NLRP9: variants seen among roughly 807,000 people sequenced by gnomAD.
The protein encoded by NLRP9 is NACHT, LRR and PYD domains-containing protein 9.
NLRP9 carries 88 observed loss-of-function variants against 83.1 expected under a neutral mutation model. The ratio of observed to expected loss-of-function variants is 1.06; its 90% CI spans 0.89 to 1.26. NLRP9 has a LOEUF of 1.26. Among genes scored for constraint, NLRP9 ranks in the 50% most tolerant of loss-of-function variants. The probability of loss-of-function intolerance (pLI) is 0.00; values close to 1 mark genes in which losing one functional copy is unlikely to be tolerated. For synonymous variants in NLRP9, 521 were observed against 447.6 expected, an observed-to-expected ratio of 1.16 and a Z score of -2.07; for missense variants, 1,308 against 1,179.3, an observed-to-expected ratio of 1.11 and a Z score of -1.60.
rs1338868982 is a variant in NLRP9, at chr19:55,724,147, GC to G, written c.1995-4del. On this transcript the variant is annotated splice_polypyrimidine_tract_variant and splice_region_variant and intron_variant, in intron 3 of 8. Coordinates refer to ENST00000332836, the MANE Select transcript of NLRP9 (RefSeq NM_176820.4). ...GTCCAAAGTACACAGAAGTAAATCTGCAAAAGATTAAAAAAAAAATAGCATC... is the reference window on the plus strand; with the variant it reads ...GTCCAAAGTACACAGAAGTAAATCTGAAAAGATTAAAAAAAAAATAGCATC... 2 of 1,592,902 alleles carry G rather than the reference GC, an allele frequency of 1.3e-6. No individual in the cohort carries two copies. The highest frequency in any genetic ancestry group is 1.7e-6 in the Non-Finnish European group (2 of 1,168,876).
intron 4 of NLRP9, among the ~76,000 whole-genome samples, chr19:55,717,553 C>A (rs945995482): frequency 1.3e-5 from 2 of 152,176 alleles, no homozygotes; most frequent in African/African-American, 4.8e-5. Flanking sequence ...ACAGGACAGA[C>A]CCTGCCACAA....
chr19:55,715,357 C>T (rs1248855380), intron 5 of NLRP9, 132 bp from the exon 6 acceptor site: 2 of 763,020 alleles, frequency 2.6e-6, no homozygotes, highest in African/African-American at 1.8e-5. Flanking sequence ...CAGGCAAAAC[C>T]TTTCCAGATG....
rs368694983 is a variant in NLRP9 at position 55,716,945 on chromosome 19, C to T, written c.2160-47G>A. The T allele has an allele frequency of 2.6e-6, 4 of 1,531,242 alleles. No individual in the cohort carries two copies. In the East Asian group the frequency reaches 6.8e-5, roughly 26 times the overall value. The allele number at this position is 1,531,242 out of a possible 1,614,324, so 94.9% of individuals were successfully genotyped here. A position where few individuals can be genotyped will look rare whatever the true frequency, so the allele number is the denominator to read the frequency against. ...TGAGACGGACCAAAGCTTTCAATCG[C>T]TCATGAAACATTATCCACAGACCAA... On this transcript the variant is annotated intron_variant, in intron 4 of 8. Transcript: ENST00000332836.
chr19:55,713,070 C>T (rs1249222468), intron 6 of NLRP9, among the ~76,000 whole-genome samples: 2 of 150,294 alleles, frequency 1.3e-5, no homozygotes, highest in Non-Finnish European at 3.0e-5. Flanking sequence ...TTCTTCTCTC[C>T]TGCCTGGCTC....
chr19:55,711,316 C>T (rs1987714254), intron 8 of NLRP9: 1 of 961,428 alleles, frequency 1.0e-6, no homozygotes, highest in Non-Finnish European at 1.3e-6. Flanking sequence ...AAAAATTCAT[C>T]CTACAGATTT....
At chr19:55,731,938 A>G in intron 2 of NLRP9, 61 bp downstream of exon 2, 2 of 1,080,416 alleles carry the variant, frequency 1.9e-6, no homozygotes, top group South Asian at 3.2e-5. Context: ...AAATACCCAC[A>G]GGCCACTAGA....
In NLRP9 at chr19:55,733,245, T is replaced by G. The variant is rs752049098; in HGVS notation, c.586A>C (p.Thr196Pro). Residue 196 changes from threonine (T) to proline (P), a missense_variant, in exon 2 of 9, where the codon ACC becomes CCC. Transcript: ENST00000332836. ...CTAGAGAGGAGCTCCAGTAAGCTGG[T>G]CTCTGCGATACCGTTCATTTCACAG... ...NVCEMNGIAE[T>P]SLLELLSRDW... 1 of 1,614,028 alleles carries G rather than the reference T, an allele frequency of 6.2e-7. No individual in the cohort carries two copies. The highest frequency in any genetic ancestry group is 8.5e-7 in the Non-Finnish European group (1 of 1,179,924).
Position 55,729,995 on chromosome 19 carries a change from A to G in NLRP9, c.1833-3T>C. 1.2e-6 allele frequency: 2 copies of G among 1,610,136 alleles called. No homozygotes were observed. Among genetic ancestry groups the G allele is most frequent in the Non-Finnish European group, 1.7e-6 (2 of 1,178,288 alleles). ...AGTAGACGAGCTTCTCATTGTAACT[A>G]TGAGAGAACAAAGATTGTGATTCTC... On this transcript the variant is annotated splice_polypyrimidine_tract_variant and splice_region_variant and intron_variant, in intron 2 of 8. Coordinates refer to ENST00000332836, the MANE Select transcript of NLRP9 (RefSeq NM_176820.4).
chr19:55,708,806 C>T lies in NLRP9; in HGVS notation c.*106G>A. On this transcript the variant is annotated 3_prime_UTR_variant, in exon 9 of 9. Transcript: ENST00000332836. ...CACTTAGGGAGTACCTCTGAAATCA[C>T]AGCCCTGCTGCCATGATGTGCAATT... is the stretch of plus-strand genomic sequence containing the variant. 1.4e-6 allele frequency: 1 copy of T among 729,330 alleles called. No individual in the cohort carries two copies. Among genetic ancestry groups the T allele is most frequent in the East Asian group, 3.0e-5 (1 of 33,746 alleles). 45.2% of individuals were successfully genotyped at this position (729,330 alleles called of 1,614,324 possible).
chr19:55,722,862 C>G (rs768669237), intron 4 of NLRP9, among the ~76,000 whole-genome samples: 6 of 152,016 alleles, frequency 3.9e-5, no homozygotes, highest in Non-Finnish European at 8.8e-5. Context: ...ATGGATGAAA[C>G]CGGAAACCAT....
At position 55,724,011 on chromosome 19, in the gene NLRP9, T is replaced by C; in HGVS notation, c.2128A>G (p.Lys710Glu). 6.2e-7 allele frequency: 1 copy of C among 1,614,050 alleles called. No individual in the cohort carries two copies. The highest frequency in any genetic ancestry group is 8.5e-7 in the Non-Finnish European group (1 of 1,179,972). Residue 710 changes from lysine (K) to glutamate (E), a missense_variant, in exon 4 of 9, where the codon AAA becomes GAA. Transcript: ENST00000332836. ...TCTTCTATCTTGCACATTGGATGTT[T>C]CAGCGTCTCACACAGGTGTCTGATG... ...SDIRHLCETL[K>E]HPMCKIEELI... is the part of the protein sequence containing the mutation.
chr19:55,733,133 A>G lies in NLRP9; in HGVS notation c.698T>C (p.Leu233Pro), dbSNP rs771315822. 4 of 1,614,038 alleles carry G rather than the reference A, an allele frequency of 2.5e-6. No individual in the cohort carries two copies. In the South Asian group the frequency reaches 3.3e-5, roughly 13 times the overall value. Residue 233 changes from leucine to proline, a missense_variant, in exon 2 of 9, where the codon CTG (leucine) becomes CCG (proline). Leu to Pro is a moderately conservative substitution (Grantham distance 98, BLOSUM62 -3). Coordinates refer to ENST00000332836, the MANE Select transcript of NLRP9 (RefSeq NM_176820.4). ...ILFIMDGFEQLKFNLQLKADL... is the reference protein window; with the variant it reads ...ILFIMDGFEQPKFNLQLKADL... Reference sequence around the variant, plus strand: ...AGCCTTAAGTTGTAAGTTAAACTTCAGTTGCTCAAAGCCATCCATGATGAA... The same window carrying G: ...AGCCTTAAGTTGTAAGTTAAACTTCGGTTGCTCAAAGCCATCCATGATGAA...
Position 55,732,498 on chromosome 19 carries a change from G to C in NLRP9, c.1333C>G (p.His445Asp). The change falls in exon 2 of 9, where the codon CAT becomes GAT. Residue 445 changes from histidine to aspartate, a missense_variant. By Grantham distance (81) the His-to-Asp change is moderately conservative. Transcript: ENST00000332836. Reference sequence around the variant, plus strand: ...GCACAAAACTCTTGGATACACAGATGCATGAAGGCAAAACAGTCCCCTCTC... The same window carrying C: ...GCACAAAACTCTTGGATACACAGATCCATGAAGGCAAAACAGTCCCCTCTC... ...QRRGDCFAFMHLCIQEFCAAM... is the reference protein window; with the variant it reads ...QRRGDCFAFMDLCIQEFCAAM... 1 of 1,614,188 alleles carries C rather than the reference G, an allele frequency of 6.2e-7. No individual in the cohort carries two copies. The highest frequency in any genetic ancestry group is 8.5e-7 in the Non-Finnish European group (1 of 1,180,028).
chr19:55,733,160 A>G lies in NLRP9; in HGVS notation c.671T>C (p.Leu224Pro). Residue 224 changes from leucine to proline, a missense_variant, in exon 2 of 9, where the codon CTG becomes CCG. Coordinates refer to ENST00000332836, the MANE Select transcript of NLRP9 (RefSeq NM_176820.4). Reference protein sequence around the residue: ...EDIFSQPERILFIMDGFEQLK... With the variant: ...EDIFSQPERIPFIMDGFEQLK... ...TTGCTCAAAGCCATCCATGATGAAC[A>G]GAATTCTCTCTGGCTGGGAAAAAAT... 6.2e-7 allele frequency: 1 copy of G among 1,614,164 alleles called. No individual in the cohort carries two copies. The highest frequency in any genetic ancestry group is 1.1e-5 in the South Asian group (1 of 91,068).
At chr19:55,711,461 T>G in intron 8 of NLRP9, 1 of 1,312,026 alleles carries the variant, frequency 7.6e-7, no homozygotes, top group East Asian at 5.1e-5. Context: ...GCGTTGCATA[T>G]TTATGGGCAA....
At chr19:55,731,153 T>C (rs547461162) in intron 2 of NLRP9, among the ~76,000 whole-genome samples, 1 of 152,058 alleles carries the variant, frequency 6.6e-6, no homozygotes, top group Non-Finnish European at 1.5e-5. Context: ...AACAGCAGCA[T>C]GTATCTGAGA....
rs766540802 is a variant in NLRP9, at chr19:55,708,872, G to C, written c.*40C>G. On this transcript the variant is annotated 3_prime_UTR_variant, in exon 9 of 9. Transcript: ENST00000332836. ...CAGGTGAAGGTCCCACTGTGGCCAA[G>C]GAAAGCCTTTGTGAGACGACTACTT... 1.4e-6 allele frequency: 2 copies of C among 1,472,134 alleles called. No individual in the cohort carries two copies. The highest frequency in any genetic ancestry group is 1.8e-6 in the Non-Finnish European group (2 of 1,109,056). 91.2% of individuals were successfully genotyped at this position (1,472,134 alleles called of 1,614,324 possible).
Position 55,708,715 on chromosome 19 carries a change from T to A in NLRP9, c.*197A>T, listed in dbSNP as rs1421581103. On this transcript the variant is annotated 3_prime_UTR_variant, in exon 9 of 9. Transcript: ENST00000332836. ...GATGGGATTTCTAAAGACAAGGGGA[T>A]ATAGGACCGAGGCAAAGACAATCAG... 2.3e-6 allele frequency: 1 copy of A among 429,888 alleles called. No individual in the cohort carries two copies. Among genetic ancestry groups the A allele is most frequent in the Admixed American group, 4.0e-5 (1 of 24,994 alleles). 26.6% of individuals were successfully genotyped at this position (429,888 alleles called of 1,614,324 possible).
At chr19:55,721,792 T>C (rs1458008180) in intron 4 of NLRP9, among the ~76,000 whole-genome samples, 1 of 152,166 alleles carries the variant, frequency 6.6e-6, no homozygotes, top group East Asian at 1.9e-4. Context: ...GTGAATATGT[T>C]TCACAAGGTC....
Sources: allele counts gnomAD v4.1 joint callset (sites outside exome capture counted in the v4.1 genomes callset), GRCh38; gene constraint gnomAD v4.1.1; transcripts MANE v1.5; gene names NCBI Gene and HGNC (gene_info 2026-07-23, HGNC 2026-07-21).